Variants in ATP7B observed in about 807,000 individuals in gnomAD.
ATP7B encodes the protein ATPase copper transporting beta.
A neutral mutation model predicts 118.9 loss-of-function variants in ATP7B; 113 were observed. That is an observed-to-expected ratio of 0.95 (90% confidence interval 0.82 to 1.11). The LOEUF (loss-of-function observed/expected upper bound fraction) is 1.11. Among genes scored for constraint, ATP7B ranks in the 50% most tolerant of loss-of-function variants. The pLI is 0.00. For synonymous variants in ATP7B, 777 were observed against 727.4 expected (o/e 1.07, Z -1.10); for missense variants, 1,867 against 1,871.4 (o/e 1.00, Z 0.04).
chr13:51,967,221 A>T, intron 4 of ATP7B: 2 of 1,058,660 alleles, frequency 1.9e-6, no homozygotes, highest in South Asian at 2.8e-5. Context: ...GCAAATCTCC[A>T]TACTGTTTCT....
rs2138782354 is a variant in ATP7B at position 51,941,153 on chromosome 13, A to G, written c.3484T>C (p.Ser1162Pro). The G allele has an allele frequency of 1.9e-6, 3 of 1,614,204 alleles. No homozygotes were observed. The highest frequency in any genetic ancestry group is 2.5e-6 in the Non-Finnish European group (3 of 1,180,032). Reference protein sequence around the residue: ...EWLRRNGLTISSDVSDAMTDH... With the variant: ...EWLRRNGLTIPSDVSDAMTDH... ...GTCATAGCGTCACTGACATCGCTAG[A>G]AATGGTTAAACCGTTGCGCCTCAGC... The change falls in exon 16 of 21, where the codon TCT (serine) becomes CCT (proline). Residue 1162 changes from serine to proline, a missense_variant. Physicochemically the swap from Ser to Pro is moderately conservative, Grantham distance 74 (BLOSUM62 -1). Transcript: ENST00000242839.
chr13:51,957,314 G>A (rs769068871), intron 9 of ATP7B, among the ~76,000 whole-genome samples: 1 of 151,902 alleles, frequency 6.6e-6, no homozygotes, highest in Non-Finnish European at 1.5e-5. Flanking sequence ...GTGCCATTTC[G>A]CACACACACA....
intron 5 of ATP7B, among the ~76,000 whole-genome samples, chr13:51,962,711 T>C (rs1958828956): frequency 6.6e-6 from 1 of 152,084 alleles, no homozygotes. Flanking sequence ...GGACAGACAT[T>C]AGCAATAGTC....
rs1951680225 is a variant in ATP7B at position 51,968,492 on chromosome 13, T to C, written c.1659A>G (p.Ala553=). The C allele has an allele frequency of 6.2e-7, 1 of 1,614,182 alleles. No homozygotes were observed. Among genetic ancestry groups the C allele is most frequent in the Non-Finnish European group, 8.5e-7 (1 of 1,180,028 alleles). ...AGCCTGCGTAGTCCTCCATGACTGC[T>C]GCCTCAAAACCCAGGTCCTGGATGA... The part of the protein sequence containing the change: ...AQFIQDLGFE[A]AVMEDYAGSD... The change falls in exon 4 of 21, where the codon GCA becomes GCG. Residue 553 remains alanine (A), a synonymous_variant. Coordinates refer to ENST00000242839, the MANE Select transcript of ATP7B (RefSeq NM_000053.4).
In ATP7B at chr13:51,957,779, CAT is replaced by C. The variant is rs531723334; in HGVS notation, c.2356-174_2356-173del. 978 of 659,276 alleles carry C rather than the reference CAT, an allele frequency of 1.5e-3. 8 individuals are homozygous for C. Among genetic ancestry groups the C allele is most frequent in the African/African-American group, 8.3e-3 (468 of 56,156 alleles). The allele number at this position is 659,276 out of a possible 1,614,324, so 40.8% of individuals were successfully genotyped here. On this transcript the variant is annotated intron_variant, in intron 8 of 20. Coordinates refer to ENST00000242839, the MANE Select transcript of ATP7B (RefSeq NM_000053.4). The stretch of plus-strand genomic sequence containing the variant: ...ACTTGCTATCCACCACACATGGCCA[CAT>C]GTCACTTCCACAGTGATGCACAGTG...
chr13:51,974,368 C>G lies in ATP7B; in HGVS notation c.852G>C (p.Gly284=), dbSNP rs780948120. ...NIEENIGQLL[G]VQSIQVSLEN... is the part of the protein sequence containing the mutation. ...CCAAGGACACTTGAATACTTTGAACCCCTAGGAGCTGGCCAATATTTTCTT... is the reference window on the plus strand; with the variant it reads ...CCAAGGACACTTGAATACTTTGAACGCCTAGGAGCTGGCCAATATTTTCTT... The change falls in exon 2 of 21, where the codon GGG becomes GGC. Residue 284 remains glycine (G), a synonymous_variant. Coordinates refer to ENST00000242839, the MANE Select transcript of ATP7B (RefSeq NM_000053.4). The G allele has an allele frequency of 6.2e-7, 1 of 1,613,758 alleles. No homozygotes were observed.
Position 52,011,261 on chromosome 13 carries a change from C to A in ATP7B, c.51+26G>T, listed in dbSNP as rs1289714584. The A allele has an allele frequency of 2.5e-6, 4 of 1,614,030 alleles. No individual in the cohort carries two copies. The African/African-American group carries it at 4.0e-5, about 16-fold the overall frequency. On this transcript the variant is annotated intron_variant, in intron 1 of 20. Transcript: ENST00000242839. Reference sequence around the variant, plus strand: ...CCTCCTGGTGGGAGTGAGCACGCTGCGCGGACGCGGGGGAACAAAACTCAC... The same window carrying A: ...CCTCCTGGTGGGAGTGAGCACGCTGAGCGGACGCGGGGGAACAAAACTCAC...
At chr13:51,976,456 C>T (rs1003122338) in intron 1 of ATP7B, among the ~76,000 whole-genome samples, 1 of 152,070 alleles carries the variant, frequency 6.6e-6, no homozygotes, top group African/African-American at 2.4e-5. Flanking sequence ...TGTAGCATTT[C>T]CTAAGAGAAA....
At chr13:52,006,849 T>G (rs1004674594) in intron 1 of ATP7B, among the ~76,000 whole-genome samples, 1 of 152,198 alleles carries the variant, frequency 6.6e-6, no homozygotes, top group African/African-American at 2.4e-5. Context: ...CTGCTCTTCC[T>G]GAAAGACCCA....
intron 6 of ATP7B, 146 bp from the exon 7 acceptor site, chr13:51,960,468 A>G (rs1847254978): frequency 2.0e-6 from 2 of 996,336 alleles, no homozygotes; most frequent in East Asian, 2.6e-5. Context: ...GAAAGTAAGA[A>G]CTCTCTCTCT....
At position 51,951,771 on chromosome 13, in the gene ATP7B, C is replaced by A. The variant is rs9563079; in HGVS notation, c.2448-1372G>T. On this transcript the variant is annotated intron_variant, in intron 9 of 20. Coordinates refer to ENST00000242839, the MANE Select transcript of ATP7B (RefSeq NM_000053.4). ...AAGTAGTTCCACAGGGGCAAATATA[C>A]GTAAAATTCATCACACTCTACACGT... Among the ~76,000 whole-genome samples, 44 of 152,142 alleles carry A rather than the reference C, an allele frequency of 2.9e-4. No homozygotes were observed. In the East Asian group the frequency reaches 7.4e-3, roughly 25 times the overall value.
chr13:51,936,327 A>AC (rs1208950320), intron 19 of ATP7B, among the ~76,000 whole-genome samples: 4 of 152,026 alleles, frequency 2.6e-5, no homozygotes, highest in African/African-American at 4.8e-5. Context: ...AGTCACCACT[A>AC]ACCACTCAGA....
Position 51,934,786 on chromosome 13 carries a change from C to A in ATP7B, c.4368G>T (p.Leu1456=). 6.2e-7 allele frequency: 1 copy of A among 1,614,072 alleles called. No homozygotes were observed. ...TGTACTGCTCCTCATCCCTGCCATTCAGGAGCAGAGACCACTTGTCCCCAT... is the reference window on the plus strand; with the variant it reads ...TGTACTGCTCCTCATCCCTGCCATTAAGGAGCAGAGACCACTTGTCCCCAT... ...DDDGDKWSLL[L]NGRDEEQYI Residue 1456 remains leucine (L), a synonymous_variant, in exon 21 of 21, where the codon CTG becomes CTT. Coordinates refer to ENST00000242839, the MANE Select transcript of ATP7B (RefSeq NM_000053.4).
chr13:51,975,539 C>A lies in ATP7B; in HGVS notation c.52-371G>T, dbSNP rs755223583. ...GCTCACGGTGGGAAGGCACAGGTAT[C>A]CCAAAAGAGGTCCCCACCTCTGGCT... On this transcript the variant is annotated intron_variant, in intron 1 of 20. Coordinates refer to ENST00000242839, the MANE Select transcript of ATP7B (RefSeq NM_000053.4). The A allele has an allele frequency of 9.6e-6, 5 of 523,456 alleles. No individual in the cohort carries two copies. In the East Asian group the frequency reaches 2.7e-4, roughly 28 times the overall value. 32.4% of individuals were successfully genotyped at this position (523,456 alleles called of 1,614,324 possible). A position where few individuals can be genotyped will look rare whatever the true frequency, so the allele number is the denominator to read the frequency against.
chr13:51,993,589 A>C (rs1205672067), intron 1 of ATP7B, among the ~76,000 whole-genome samples: 1 of 152,164 alleles, frequency 6.6e-6, no homozygotes, highest in Non-Finnish European at 1.5e-5. Flanking sequence ...AAAAAAACAA[A>C]CAAAGGAAAA....
At chr13:51,971,843 C>T (rs529027293) in intron 2 of ATP7B, among the ~76,000 whole-genome samples, 1 of 152,320 alleles carries the variant, frequency 6.6e-6, no homozygotes, top group South Asian at 2.1e-4. Context: ...ATCTCAGTGA[C>T]CACAGGAAAT....
At chr13:51,949,283 T>C (rs1957847587) in intron 12 of ATP7B, among the ~76,000 whole-genome samples, 1 of 152,196 alleles carries the variant, frequency 6.6e-6, no homozygotes, top group Non-Finnish European at 1.5e-5. Context: ...TCAAAAGATA[T>C]TTTTCTTAAA....
chr13:51,960,803 T>A (rs1196326657), intron 6 of ATP7B, among the ~76,000 whole-genome samples: 3 of 152,316 alleles, frequency 2.0e-5, no homozygotes, highest in Admixed American at 6.5e-5. Context: ...AGAACAGTGA[T>A]CACTGGCTGT....
intron 2 of ATP7B, among the ~76,000 whole-genome samples, chr13:51,971,323 C>T (rs1951832130): frequency 6.6e-6 from 1 of 152,176 alleles, no homozygotes; most frequent in Non-Finnish European, 1.5e-5. Flanking sequence ...TACTAAAAAA[C>T]CATTCATTGT....
Sources: allele counts gnomAD v4.1 joint callset (sites outside exome capture counted in the v4.1 genomes callset), GRCh38; gene constraint gnomAD v4.1.1; transcripts MANE v1.5; gene names NCBI Gene and HGNC (gene_info 2026-07-23, HGNC 2026-07-21).